The following VPS13A variants were observed in gnomAD, a reference collection of about 807,000 sequenced individuals.
VPS13A encodes the protein intermembrane lipid transfer protein VPS13A.
In VPS13A, 264 loss-of-function variants were observed where a neutral mutation model predicts 390.9. The ratio of observed to expected loss-of-function variants is 0.68; its 90% CI spans 0.61 to 0.75. The LOEUF is 0.75. Ranked by LOEUF, VPS13A falls within the 30% of genes least tolerant of loss-of-function variation. The probability of loss-of-function intolerance (pLI) is 0.00; values close to 1 mark genes in which losing one functional copy is unlikely to be tolerated. For synonymous variants in VPS13A, 1,231 were observed against 1,227.1 expected, an observed-to-expected ratio of 1.00 and a Z score of -0.07; for missense variants, 3,409 against 3,733.9, an observed-to-expected ratio of 0.91 and a Z score of 2.27.
At chr9:77,357,917 CT>C in intron 56 of VPS13A, 79 bp downstream of exon 56, 1 of 1,120,872 alleles carries the variant, frequency 8.9e-7, no homozygotes. Context: ...CCATGGTCTG[CT>C]TTATCTAGTA....
At chr9:77,219,400 T>C (rs1240094997) in intron 10 of VPS13A, among the ~76,000 whole-genome samples, 1 of 152,174 alleles carries the variant, frequency 6.6e-6, no homozygotes, top group Admixed American at 6.5e-5. Flanking sequence ...ATTGTTCTTA[T>C]TCTTTTTGGC....
At chr9:77,234,521 G>A (rs2131219409) in intron 17 of VPS13A, among the ~76,000 whole-genome samples, 1 of 152,152 alleles carries the variant, frequency 6.6e-6, no homozygotes, top group Admixed American at 6.5e-5. Flanking sequence ...ATACATTTTT[G>A]ACTTGGAATA....
chr9:77,178,071 G>A (rs559190847), intron 1 of VPS13A: 4 of 395,550 alleles, frequency 1.0e-5, no homozygotes, highest in Non-Finnish European at 1.9e-5. Context: ...CGGACTTGCC[G>A]TGGGCTCCGT....
intron 68 of VPS13A, among the ~76,000 whole-genome samples, chr9:77,387,585 C>T (rs1046032231): frequency 2.6e-5 from 4 of 152,080 alleles, no homozygotes; most frequent in African/African-American, 9.7e-5. Flanking sequence ...ATTGTGGACA[C>T]TCATAACCAT....
chr9:77,375,201 A>G (rs1234306205), intron 67 of VPS13A, among the ~76,000 whole-genome samples: 1 of 152,174 alleles, frequency 6.6e-6, no homozygotes, highest in Non-Finnish European at 1.5e-5. Context: ...GTACCCAGGT[A>G]TATTACCTTT....
chr9:77,369,817 C>T (rs1832647549), intron 63 of VPS13A, among the ~76,000 whole-genome samples: 2 of 152,170 alleles, frequency 1.3e-5, no homozygotes, highest in African/African-American at 2.4e-5. Flanking sequence ...CAAAAGACTC[C>T]TACTTCCACG....
chr9:77,184,211 C>A (rs938132835), intron 1 of VPS13A, among the ~76,000 whole-genome samples: 1 of 152,174 alleles, frequency 6.6e-6, no homozygotes, highest in Admixed American at 6.5e-5. Flanking sequence ...TTTTTCCTGA[C>A]CTTTCCTAAT....
At chr9:77,410,452 C>T (rs1304825005) in intron 71 of VPS13A, among the ~76,000 whole-genome samples, 2 of 152,146 alleles carry the variant, frequency 1.3e-5, no homozygotes, top group Non-Finnish European at 2.9e-5. Context: ...ACAATATTAA[C>T]CTTAAATGTA....
At chr9:77,257,217 A>T (rs777799989) in intron 22 of VPS13A, among the ~76,000 whole-genome samples, 1 of 152,122 alleles carries the variant, frequency 6.6e-6, no homozygotes, top group East Asian at 1.9e-4. Context: ...TCCTCAAGTT[A>T]TAACAGTCTA....
At chr9:77,245,714 A>G (rs1824767803) in intron 19 of VPS13A, among the ~76,000 whole-genome samples, 1 of 152,180 alleles carries the variant, frequency 6.6e-6, no homozygotes, top group African/African-American at 2.4e-5. Context: ...TAAAGATGAC[A>G]CAGTTTTGAT....
rs937945163 is a variant in VPS13A at position 77,298,729 on chromosome 9, G to A, written c.3812+2883G>A. 5.3e-5 allele frequency among the ~76,000 whole-genome samples: 8 copies of A among 152,278 alleles called. No homozygotes were observed. The East Asian group carries it at 1.5e-3, about 29-fold the overall frequency. ...CACCCAAATCTCATCTTGAATTGCA[G>A]CTCCCATAATTCCCACATGTTGTGG... On this transcript the variant is annotated intron_variant, in intron 33 of 71. Transcript: ENST00000360280.
At chr9:77,318,865 C>G (rs936760158) in intron 41 of VPS13A, among the ~76,000 whole-genome samples, 1 of 151,918 alleles carries the variant, frequency 6.6e-6, no homozygotes, top group Non-Finnish European at 1.5e-5. Flanking sequence ...TATTATTCGA[C>G]AGTTGTTGAT....
chr9:77,199,765 AC>A (rs1160219477), intron 1 of VPS13A, among the ~76,000 whole-genome samples, 179 bp from the exon 2 acceptor site: 1 of 144,342 alleles, frequency 6.9e-6, no homozygotes, highest in African/African-American at 2.5e-5. Context: ...GGTCAAGCAT[AC>A]TCTGTTAGAC....
intron 51 of VPS13A, among the ~76,000 whole-genome samples, chr9:77,344,627 C>T (rs554738839): frequency 1.7e-3 from 261 of 152,032 alleles, no homozygotes; most frequent in Non-Finnish European, 2.7e-3. Context: ...GGCGTGGTGG[C>T]GGGTGCCTGT....
rs908829695 is a variant in VPS13A at position 77,201,480 on chromosome 9, T to A, written c.187+73T>A. 3 of 1,190,306 alleles carry A rather than the reference T, an allele frequency of 2.5e-6. No individual in the cohort carries two copies. In the African/African-American group the frequency reaches 4.5e-5, roughly 18 times the overall value. 73.7% of individuals were successfully genotyped at this position (1,190,306 alleles called of 1,614,324 possible). On this transcript the variant is annotated intron_variant, in intron 3 of 71. Coordinates refer to ENST00000360280, the MANE Select transcript of VPS13A (RefSeq NM_033305.3). ...CAGAATAATTTGCCTAATATATCTA[T>A]TATGTGATATTTTTCATGTTTCTGA...
intron 35 of VPS13A, among the ~76,000 whole-genome samples, chr9:77,308,433 C>T (rs890608962): frequency 1.3e-5 from 2 of 152,086 alleles, no homozygotes; most frequent in African/African-American, 4.8e-5. Flanking sequence ...CCTCATTTTC[C>T]ATTTTTCTCC....
chr9:77,369,316 T>C lies in VPS13A; in HGVS notation c.8571T>C (p.Tyr2857=), dbSNP rs17340192. 0.081 allele frequency: 130,423 copies of C among 1,610,632 alleles called. 6,011 individuals carry two copies. The highest frequency in any genetic ancestry group is 0.13 in the South Asian group (11,457 of 91,004). The stretch of plus-strand genomic sequence containing the variant: ...ATTTTTAGGCCATTAAGCAGATGTA[T>C]GTACTCATTCTTGGACTTGATGTTT... ...HYSKQAIKQM[Y]VLILGLDVLG... The change falls in exon 63 of 72, where the codon TAT becomes TAC. Residue 2857 remains tyrosine, a synonymous_variant. Transcript: ENST00000360280.
chr9:77,394,947 G>A lies in VPS13A; in HGVS notation c.9190-8289G>A, dbSNP rs925544909. 1.2e-4 allele frequency among the ~76,000 whole-genome samples: 18 copies of A among 152,162 alleles called. 1 individual carries two copies. The highest frequency in any genetic ancestry group is 4.6e-4 in the Admixed American group (7 of 15,282). On this transcript the variant is annotated intron_variant, in intron 68 of 71. Coordinates refer to ENST00000360280, the MANE Select transcript of VPS13A (RefSeq NM_033305.3). ...GGATTAGGCTTTGGCTTGAAGAAAT[G>A]TTGTGGCTGGTTTATCTTCTATCCA...
intron 21 of VPS13A, among the ~76,000 whole-genome samples, chr9:77,250,710 CCATA>C (rs1194084805): frequency 3.3e-5 from 5 of 152,134 alleles, no homozygotes; most frequent in Admixed American, 6.5e-5. Context: ...TCATGGACAG[CCATA>C]CAAAGACGAG....
Sources: gnomAD v4.1 joint callset for allele counts (sites outside exome capture counted in the v4.1 genomes callset) on GRCh38, gnomAD v4.1.1 for gene constraint, MANE v1.5 for transcripts, NCBI Gene and HGNC (gene_info 2026-07-23, HGNC 2026-07-21) for gene names.